SV2C: variants seen among roughly 807,000 people sequenced by gnomAD.
The protein encoded by SV2C is solute carrier family 22 member B3.
In SV2C, 49 loss-of-function variants were observed where a neutral mutation model predicts 79.7. That is an observed-to-expected ratio of 0.61 (90% CI 0.49 to 0.78). The LOEUF (loss-of-function observed/expected upper bound fraction) is 0.78, where lower values mean the gene tolerates loss of function less well. Ranked by LOEUF, SV2C falls within the 30% of genes least tolerant of loss-of-function variation. The pLI is 0.00. For missense variants in SV2C, 833 were observed against 912.9 expected, an observed-to-expected ratio of 0.91 and a Z score of 1.13; for synonymous variants, 334 against 333.2, an observed-to-expected ratio of 1.00 and a Z score of -0.03.
chr5:76,168,602 C>T (rs552973527), intron 2 of SV2C, among the ~76,000 whole-genome samples: 22 of 152,272 alleles, frequency 1.4e-4, no homozygotes, highest in Admixed American at 2.6e-4. Context: ...TTTCTTATGC[C>T]GCGTTGCTCT....
At chr5:76,117,557 AT>A (rs1408944887) in intron 1 of SV2C, among the ~76,000 whole-genome samples, 40 of 152,220 alleles carry the variant, frequency 2.6e-4, no homozygotes, top group Admixed American at 2.6e-3. Flanking sequence ...ATGCACTGAG[AT>A]TAAAACATGT....
chr5:75,853,607 C>A, the SV2C span, among the ~76,000 whole-genome samples: 40 of 28,462 alleles, frequency 1.4e-3, no homozygotes, highest in East Asian at 2.9e-3. Context: ...GACTCCGTCT[C>A]AAAAAAAAAA....
At chr5:76,249,901 T>C (rs1293284203) in intron 4 of SV2C, among the ~76,000 whole-genome samples, 4 of 152,174 alleles carry the variant, frequency 2.6e-5, no homozygotes, top group Admixed American at 1.3e-4. Context: ...AGCAGCTCAA[T>C]TTTGTGCCAC....
At chr5:76,139,100 T>C (rs556094178) in intron 2 of SV2C, among the ~76,000 whole-genome samples, 2 of 151,076 alleles carry the variant, frequency 1.3e-5, no homozygotes, top group South Asian at 4.2e-4. Flanking sequence ...GCCTGGGCGA[T>C]GGAGCGAGAC....
At chr5:76,180,929 C>G (rs1425997542) in intron 2 of SV2C, among the ~76,000 whole-genome samples, 1 of 152,198 alleles carries the variant, frequency 6.6e-6, no homozygotes, top group East Asian at 1.9e-4. Flanking sequence ...TCTTTCACTT[C>G]TTCTTGGCCA....
chr5:75,920,910 C>A, the SV2C span: 4 of 741,940 alleles, frequency 5.4e-6, no homozygotes, highest in South Asian at 4.2e-5. Flanking sequence ...GCCCTGCAGG[C>A]CCTGGTCTCG....
intron 3 of SV2C, among the ~76,000 whole-genome samples, chr5:76,204,882 G>T (rs191196175): frequency 6.6e-6 from 1 of 152,136 alleles, no homozygotes; most frequent in African/African-American, 2.4e-5. Context: ...TCACAGTCAG[G>T]CTTCCCAGTT....
At chr5:76,245,203 C>T (rs1309163035) in intron 4 of SV2C, among the ~76,000 whole-genome samples, 2 of 152,146 alleles carry the variant, frequency 1.3e-5, no homozygotes, top group African/African-American at 4.8e-5. Context: ...TGGCCAGGAG[C>T]TGTCACTGTT....
At chr5:75,969,201 G>A in the SV2C span, among the ~76,000 whole-genome samples, 1 of 152,118 alleles carries the variant, frequency 6.6e-6, no homozygotes, top group African/African-American at 2.4e-5. Context: ...GGAACAACTG[G>A]TACCAGCCAC....
the SV2C span, among the ~76,000 whole-genome samples, chr5:76,030,266 G>GT: frequency 0.28 from 9,025 of 31,856 alleles, 1,769 homozygotes; most frequent in Non-Finnish European, 0.34. Flanking sequence ...TCAGAGGCTT[G>GT]TTTTTTTTTT....
intron 3 of SV2C, among the ~76,000 whole-genome samples, chr5:76,208,670 A>G (rs528897626): frequency 4.6e-5 from 7 of 152,360 alleles, no homozygotes; most frequent in Admixed American, 2.0e-4. Context: ...TCAAATTTGC[A>G]TGAAATGTCA....
At chr5:75,901,516 A>G in the SV2C span, among the ~76,000 whole-genome samples, 3 of 152,280 alleles carry the variant, frequency 2.0e-5, no homozygotes, top group South Asian at 6.2e-4. Context: ...CCTCCCCATT[A>G]GGCTGCTCAG....
the SV2C span, among the ~76,000 whole-genome samples, chr5:75,946,737 A>G: frequency 6.6e-6 from 1 of 152,110 alleles, no homozygotes; most frequent in Non-Finnish European, 1.5e-5. Context: ...GTAAGGACAG[A>G]GAACACATCA....
chr5:75,851,402 C>T, the SV2C span, among the ~76,000 whole-genome samples: 1 of 152,174 alleles, frequency 6.6e-6, no homozygotes. Flanking sequence ...TTTCATAAGA[C>T]CACTTTAGGA....
intron 1 of SV2C, among the ~76,000 whole-genome samples, chr5:76,110,146 T>A (rs1748051912): frequency 6.6e-6 from 1 of 152,186 alleles, no homozygotes; most frequent in Non-Finnish European, 1.5e-5. Flanking sequence ...GACTTCTATA[T>A]TTTTTGAAAT....
chr5:76,295,734 G>T (rs775532459), intron 8 of SV2C, 44 bp from the exon 9 acceptor site: 1 of 1,576,174 alleles, frequency 6.3e-7, no homozygotes, highest in East Asian at 2.3e-5. Flanking sequence ...ATTGCCTCTG[G>T]CATGCTAGTG....
chr5:76,280,928 G>C, intron 4 of SV2C: 1 of 528,682 alleles, frequency 1.9e-6, no homozygotes, highest in South Asian at 1.4e-5. Context: ...TGCTGAGAGC[G>C]CGACAGGGTC....
chr5:76,177,213 TA>T (rs57202943), intron 2 of SV2C, among the ~76,000 whole-genome samples: 12 of 74,224 alleles, frequency 1.6e-4, no homozygotes, highest in South Asian at 7.9e-4. Flanking sequence ...ACAAATAATA[TA>T]TACAAATATA....
the SV2C span, among the ~76,000 whole-genome samples, chr5:75,961,082 T>C: frequency 6.6e-6 from 1 of 152,006 alleles, no homozygotes; most frequent in African/African-American, 2.4e-5. Context: ...AATTATACAT[T>C]AAGTGATCAG....
Sources: allele counts gnomAD v4.1 joint callset (sites outside exome capture counted in the v4.1 genomes callset), GRCh38; gene constraint gnomAD v4.1.1; transcripts MANE v1.5; gene names NCBI Gene and HGNC (gene_info 2026-07-23, HGNC 2026-07-21).